CLEC16A: variants seen among roughly 807,000 people sequenced by gnomAD.
CLEC16A encodes protein CLEC16A.
A neutral mutation model predicts 109.5 loss-of-function variants in CLEC16A; 51 were observed. That is an observed-to-expected ratio of 0.47 (90% CI 0.37 to 0.59). CLEC16A has a LOEUF of 0.59. CLEC16A is among the 20% of genes least tolerant of loss of function. The pLI is 0.00. For synonymous variants in CLEC16A, 673 were observed against 564.2 expected, an observed-to-expected ratio of 1.19 and a Z score of -2.73; for missense variants, 1,339 against 1,394.0, an observed-to-expected ratio of 0.96 and a Z score of 0.63.
chr16:11,157,186 C>T, intron 22 of CLEC16A: 3 of 1,260,194 alleles, frequency 2.4e-6, no homozygotes, highest in Non-Finnish European at 3.1e-6. Context: ...GACATGTTAT[C>T]CGTTGAAAAG....
chr16:11,057,292 C>G (rs2048259624), intron 18 of CLEC16A, among the ~76,000 whole-genome samples: 1 of 152,362 alleles, frequency 6.6e-6, no homozygotes, highest in African/African-American at 2.4e-5. Context: ...CTTGCACATG[C>G]AGCAAGGAAG....
chr16:10,961,968 C>CTTTTTTTTTTTTTTTTTT lies in CLEC16A; in HGVS notation c.210-473_210-472insTTTTTTTTTTTTTTTTTT, dbSNP rs5815604. Among the ~76,000 whole-genome samples, 1 of 135,346 alleles carries CTTTTTTTTTTTTTTTTTT rather than the reference C, an allele frequency of 7.4e-6. No homozygotes were observed. Among genetic ancestry groups the CTTTTTTTTTTTTTTTTTT allele is most frequent in the Non-Finnish European group, 1.6e-5 (1 of 63,806 alleles). 88.8% of individuals were successfully genotyped at this position (135,346 alleles called of 152,430 possible). ...TTGGGAACTTTTTTTTCTTTTTTTTCTTTTTTTTTTTTTTGGCTCTGTCAC... is the reference window on the plus strand; with the variant it reads ...TTGGGAACTTTTTTTTCTTTTTTTTCTTTTTTTTTTTTTTTTTTTTTTTTTTTTTTTTGGCTCTGTCAC... On this transcript the variant is annotated intron_variant, in intron 2 of 23. Coordinates refer to ENST00000409790, the MANE Select transcript of CLEC16A (RefSeq NM_015226.3). This position sits in a 1 kb window ranked among gnomAD's most constrained non-coding sequence, Gnocchi z 4.3.
intron 23 of CLEC16A, 126 bp downstream of exon 23, chr16:11,166,678 G>A (rs2068278216): frequency 1.0e-6 from 1 of 968,040 alleles, no homozygotes; most frequent in Admixed American, 3.3e-5. Flanking sequence ...CCGCTCAGGT[G>A]ATCTGCACAT....
chr16:11,156,591 G>A, intron 22 of CLEC16A: 1 of 1,304,234 alleles, frequency 7.7e-7, no homozygotes, highest in Non-Finnish European at 1.0e-6. Context: ...GACTGCCGCA[G>A]TAGAGAGGCA....
At chr16:10,983,093 G>A (rs2043420246) in intron 10 of CLEC16A, 102 bp downstream of exon 10, 1 of 680,916 alleles carries the variant, frequency 1.5e-6, no homozygotes, top group African/African-American at 1.8e-5. Flanking sequence ...TGAATATATA[G>A]CAGTGATGAT....
At chr16:11,123,237 G>A (rs1424008991) in intron 20 of CLEC16A, among the ~76,000 whole-genome samples, 2 of 152,024 alleles carry the variant, frequency 1.3e-5, no homozygotes, top group Non-Finnish European at 1.5e-5. Flanking sequence ...TTCCCTTTGG[G>A]GACCAGAAGT....
Position 11,178,498 on chromosome 16 carries a change from C to G in CLEC16A, c.2970C>G (p.Thr990=). ...SPSLVPARQP[T]ISLLCEDTAD... is the part of the protein sequence containing the mutation. ...GCCTCGTCCCTGCCCGGCAGCCCAC[C>G]ATTTCCCTGCTCTGCGAGGACACGG... The change falls in exon 24 of 24, where the codon ACC becomes ACG. Residue 990 remains threonine, a synonymous_variant. Coordinates refer to ENST00000409790, the MANE Select transcript of CLEC16A (RefSeq NM_015226.3). This position sits in a 1 kb window ranked among gnomAD's most constrained non-coding sequence, Gnocchi z 6.5. 7 of 1,613,592 alleles carry G rather than the reference C, an allele frequency of 4.3e-6. No individual in the cohort carries two copies. The highest frequency in any genetic ancestry group is 5.9e-6 in the Non-Finnish European group (7 of 1,179,880).
At chr16:11,093,814 CT>C (rs1410113934) in intron 19 of CLEC16A, among the ~76,000 whole-genome samples, 3 of 152,144 alleles carry the variant, frequency 2.0e-5, no homozygotes. Flanking sequence ...AGGAAGCCCA[CT>C]TCCATGGCAC....
intron 19 of CLEC16A, among the ~76,000 whole-genome samples, chr16:11,093,609 G>A (rs769141404): frequency 3.5e-4 from 54 of 152,176 alleles, no homozygotes; most frequent in Non-Finnish European, 5.7e-4. Context: ...CAAAGTGGGC[G>A]TATTTTTGAA....
rs78179152 is a variant in CLEC16A, at chr16:11,136,560, C to G, written c.2641+10414C>G. ...CTACACATTAATCAATTAGCACGAACAAAATTACGAATGCAGTAGTCCTTC... is the reference window on the plus strand; with the variant it reads ...CTACACATTAATCAATTAGCACGAAGAAAATTACGAATGCAGTAGTCCTTC... On this transcript the variant is annotated intron_variant, in intron 22 of 23. Coordinates refer to ENST00000409790, the MANE Select transcript of CLEC16A (RefSeq NM_015226.3). 5.1e-3 allele frequency among the ~76,000 whole-genome samples: 774 copies of G among 152,306 alleles called. 1 individual carries two copies. The highest frequency in any genetic ancestry group is 7.3e-3 in the Non-Finnish European group (495 of 68,034).
intron 19 of CLEC16A, among the ~76,000 whole-genome samples, chr16:11,115,144 A>AC (rs1411202708): frequency 6.6e-6 from 1 of 152,124 alleles, no homozygotes; most frequent in Non-Finnish European, 1.5e-5. Context: ...ATTGACACTG[A>AC]CGTGTATGAC....
chr16:11,085,859 T>A (rs1226822043), intron 19 of CLEC16A, among the ~76,000 whole-genome samples: 1 of 152,210 alleles, frequency 6.6e-6, no homozygotes, highest in African/African-American at 2.4e-5. Flanking sequence ...TCCAGAGAGC[T>A]GGGATTACAG....
At chr16:11,075,082 C>T (rs985051074) in intron 19 of CLEC16A, among the ~76,000 whole-genome samples, 1 of 152,102 alleles carries the variant, frequency 6.6e-6, no homozygotes. Context: ...TCGAGCAAGA[C>T]CCTATCTCAA....
chr16:11,146,238 A>G (rs1045683436), intron 22 of CLEC16A, among the ~76,000 whole-genome samples: 2 of 151,462 alleles, frequency 1.3e-5, no homozygotes, highest in Non-Finnish European at 2.9e-5. Context: ...AGAGCACTCA[A>G]CCTCTCCTGA....
At chr16:10,964,117 A>G (rs192501970) in intron 3 of CLEC16A, among the ~76,000 whole-genome samples, 105 of 152,370 alleles carry the variant, frequency 6.9e-4, no homozygotes, top group African/African-American at 2.4e-3. Context: ...GTGGGCAGAA[A>G]GAGGTAGAGA....
intron 10 of CLEC16A, among the ~76,000 whole-genome samples, chr16:10,997,160 C>A (rs559660764): frequency 6.6e-6 from 1 of 152,266 alleles, no homozygotes; most frequent in South Asian, 2.1e-4. Flanking sequence ...CAAGGTCTCA[C>A]CATGCTTCCT....
rs908173461 is a variant in CLEC16A, at chr16:11,051,552, T to C, written c.1906T>C (p.Ser636Pro). Residue 636 changes from serine (S) to proline (P), a missense_variant, in exon 18 of 24, where the codon TCC becomes CCC. Transcript: ENST00000409790. ...MNVEYLMMDA[S>P]ILLPPTGTPL... ...CGTGGAATATCTCATGATGGACGCC[T>C]CCATCCTGCTGCCCCCAACAGGCAC... is the stretch of plus-strand genomic sequence containing the variant. 8 of 1,614,018 alleles carry C rather than the reference T, an allele frequency of 5.0e-6. No individual in the cohort carries two copies. The highest frequency in any genetic ancestry group is 6.8e-6 in the Non-Finnish European group (8 of 1,179,874).
At chr16:11,141,175 AAGTATTCTAGCC>A (rs2053807934) in intron 22 of CLEC16A, among the ~76,000 whole-genome samples, 1 of 152,174 alleles carries the variant, frequency 6.6e-6, no homozygotes, top group Admixed American at 6.5e-5. Context: ...GGGTCCTCCC[AAGTATTCTAGCC>A]AGTGCTTTTG....
At chr16:10,997,088 A>C (rs2044374728) in intron 10 of CLEC16A, among the ~76,000 whole-genome samples, 1 of 152,116 alleles carries the variant, frequency 6.6e-6, no homozygotes, top group Admixed American at 6.5e-5. Flanking sequence ...CAGCCTCCCA[A>C]GTAGCTGGGA....
Sources: gnomAD v4.1 joint callset for allele counts (sites outside exome capture counted in the v4.1 genomes callset) on GRCh38, gnomAD v4.1.1 for gene constraint, Gnocchi (gnomAD v3.1) non-coding constraint, MANE v1.5 for transcripts, NCBI Gene and HGNC (gene_info 2026-07-23, HGNC 2026-07-21) for gene names.